The following TOP1 variants were observed in gnomAD, a reference collection of about 807,000 sequenced individuals.
TOP1 encodes the protein DNA topoisomerase 1.
A neutral mutation model predicts 111.1 loss-of-function variants in TOP1; 10 were observed. The observed-to-expected ratio is 0.09, with a 90% CI of 0.06 to 0.15. TOP1 has a LOEUF of 0.15. Among genes scored for constraint, TOP1 ranks in the 10% least tolerant of loss-of-function variants. The pLI, the probability that TOP1 is intolerant of heterozygous loss-of-function variation, is 1.00. For missense variants in TOP1, 474 were observed against 926.7 expected (o/e 0.51, Z 6.34); for synonymous variants, 271 against 302.9 (o/e 0.89, Z 1.10).
At position 41,061,343 on chromosome 20, in the gene TOP1, C is replaced by G. The variant is rs775224414; in HGVS notation, c.59-51C>G. 2.5e-6 allele frequency: 4 copies of G among 1,568,640 alleles called. No homozygotes were observed. The South Asian group carries it at 4.5e-5, about 18-fold the overall frequency. On this transcript the variant is annotated intron_variant, in intron 2 of 20. Transcript: ENST00000361337. The surrounding 1 kb of genome is among the most constrained non-coding windows in gnomAD (Gnocchi z 4.6). ...TGACCAGCTTGTCAAGGTAGGCATA[C>G]AGAAGATAGCTCATGACTCCTGTTA...
intron 2 of TOP1, among the ~76,000 whole-genome samples, chr20:41,047,635 A>T (rs1207000280): frequency 6.6e-6 from 1 of 152,260 alleles, no homozygotes; most frequent in East Asian, 1.9e-4. Context: ...GGCCATGCTC[A>T]TTCATTTACA....
rs2034042636 is a variant in TOP1 at position 41,100,344 on chromosome 20, G to A, written c.1163+101G>A. On this transcript the variant is annotated intron_variant, in intron 12 of 20. Coordinates refer to ENST00000361337, the MANE Select transcript of TOP1 (RefSeq NM_003286.4). The surrounding 1 kb of genome is among the most constrained non-coding windows in gnomAD (Gnocchi z 4.4). ...GGTTACACAGGACTGTTTGGGAAGG[G>A]AGATACTTAAGAGCAGGACAGTATT... 7 of 998,168 alleles carry A rather than the reference G, an allele frequency of 7.0e-6. No individual in the cohort carries two copies. The Admixed American group carries it at 8.0e-5, about 11-fold the overall frequency. 61.8% of individuals were successfully genotyped at this position (998,168 alleles called of 1,614,324 possible).
chr20:41,113,464 T>C (rs2034275016), intron 14 of TOP1, among the ~76,000 whole-genome samples: 1 of 152,142 alleles, frequency 6.6e-6, no homozygotes, highest in African/African-American at 2.4e-5. Context: ...CCCTATAGAT[T>C]TCATAGTGAG....
At chr20:41,087,877 A>C (rs904452409) in intron 8 of TOP1, among the ~76,000 whole-genome samples, 2 of 152,072 alleles carry the variant, frequency 1.3e-5, no homozygotes, top group African/African-American at 4.8e-5. Context: ...TTGATTATTC[A>C]AGTCAAGCTG....
chr20:41,112,749 A>G lies in TOP1; in HGVS notation c.1309-33A>G, dbSNP rs769507823. 1 of 1,612,454 alleles carries G rather than the reference A, an allele frequency of 6.2e-7. No individual in the cohort carries two copies. Among genetic ancestry groups the G allele is most frequent in the South Asian group, 1.1e-5 (1 of 90,836 alleles). On this transcript the variant is annotated intron_variant, in intron 13 of 20. Coordinates refer to ENST00000361337, the MANE Select transcript of TOP1 (RefSeq NM_003286.4). This position sits in a 1 kb window ranked among gnomAD's most constrained non-coding sequence, Gnocchi z 5.8. ...AGTCTGTCTTTACTACACTGTCCCAAAGTAATCTACATTTGGGTTTGGGTC... is the reference window on the plus strand; with the variant it reads ...AGTCTGTCTTTACTACACTGTCCCAGAGTAATCTACATTTGGGTTTGGGTC...
chr20:41,120,667 A>G (rs1432340199), intron 18 of TOP1, among the ~76,000 whole-genome samples: 4 of 152,238 alleles, frequency 2.6e-5, no homozygotes, highest in East Asian at 1.9e-4. Flanking sequence ...GAGAGTTCAC[A>G]TGGGGAAAAA....
At chr20:41,089,867 T>C (rs2033898018) in intron 8 of TOP1, among the ~76,000 whole-genome samples, 1 of 152,232 alleles carries the variant, frequency 6.6e-6, no homozygotes, top group Admixed American at 6.5e-5. Flanking sequence ...TTTTGATTGG[T>C]ATTTTCCTAA....
In TOP1 at chr20:41,069,383, G is replaced by T. The variant is rs1313873662; in HGVS notation, c.156-6788G>T. Among the ~76,000 whole-genome samples, 1 of 152,172 alleles carries T rather than the reference G, an allele frequency of 6.6e-6. No individual in the cohort carries two copies. Among genetic ancestry groups the T allele is most frequent in the Non-Finnish European group, 1.5e-5 (1 of 68,042 alleles). ...AGAAGATTGAACAGTTTGGAAATGA[G>T]GAAACTCAGTACCACCACCATTCAC... On this transcript the variant is annotated intron_variant, in intron 3 of 20. Coordinates refer to ENST00000361337, the MANE Select transcript of TOP1 (RefSeq NM_003286.4). This position sits in a 1 kb window ranked among gnomAD's most constrained non-coding sequence, Gnocchi z 4.1.
At chr20:41,073,384 A>G (rs1166179674) in intron 3 of TOP1, 1 of 984,196 alleles carries the variant, frequency 1.0e-6, no homozygotes, top group Non-Finnish European at 1.2e-6. Flanking sequence ...GAAAAAAAAA[A>G]AAAAGAAAGA....
chr20:41,073,155 G>A, intron 3 of TOP1: 1 of 985,356 alleles, frequency 1.0e-6, no homozygotes, highest in East Asian at 1.1e-4. Flanking sequence ...GTACAGCAAA[G>A]CTGAAAACCG....
intron 14 of TOP1, 123 bp from the exon 15 acceptor site, chr20:41,113,847 C>A: frequency 1.4e-6 from 1 of 739,182 alleles, no homozygotes; most frequent in Non-Finnish European, 2.1e-6. Flanking sequence ...TGCGCCATTG[C>A]ACTCTAGCCT....
chr20:41,084,654 T>C (rs1310409875), intron 8 of TOP1, 86 bp downstream of exon 8: 2 of 743,550 alleles, frequency 2.7e-6, no homozygotes, highest in East Asian at 5.8e-5. Context: ...AAAATTAATA[T>C]CCTGATATTT....
At chr20:41,076,995 C>T (rs970308432) in intron 4 of TOP1, among the ~76,000 whole-genome samples, 7 of 152,008 alleles carry the variant, frequency 4.6e-5, no homozygotes, top group African/African-American at 1.7e-4. Flanking sequence ...AATTTTCTGA[C>T]GAATCTAGAA....
In TOP1 at chr20:41,103,507, C is replaced by T. The variant is rs1054669504; in HGVS notation, c.1308+2154C>T. Among the ~76,000 whole-genome samples the T allele has an allele frequency of 2.6e-5, 4 of 152,236 alleles. 1 individual carries two copies. The highest frequency in any genetic ancestry group is 2.6e-4 in the Admixed American group (4 of 15,304). Reference sequence around the variant, plus strand: ...AGATTTACAGGCATTATATGTAAATCACATCAGTAAATATGAACTGTTATA... The same window carrying T: ...AGATTTACAGGCATTATATGTAAATTACATCAGTAAATATGAACTGTTATA... On this transcript the variant is annotated intron_variant, in intron 13 of 20. Transcript: ENST00000361337.
At chr20:41,041,307 A>G (rs1322312984) in intron 2 of TOP1, among the ~76,000 whole-genome samples, 1 of 151,918 alleles carries the variant, frequency 6.6e-6, no homozygotes, top group African/African-American at 2.4e-5. Flanking sequence ...AAAATTAGCC[A>G]AGCATGGTGG....
intron 9 of TOP1, among the ~76,000 whole-genome samples, chr20:41,096,074 T>G (rs2033977693): frequency 6.6e-6 from 1 of 152,214 alleles, no homozygotes; most frequent in Admixed American, 6.5e-5. Flanking sequence ...TTTAGACAGC[T>G]TTTTGTTTAT....
At position 41,069,913 on chromosome 20, in the gene TOP1, A is replaced by G. The variant is rs571210800; in HGVS notation, c.156-6258A>G. ...TTAGAAAGAAAAACATAAGCAAAAC[A>G]TAGAGGCATTGTAGTATATGCTTTG... is the stretch of plus-strand genomic sequence containing the variant. On this transcript the variant is annotated intron_variant, in intron 3 of 20. Coordinates refer to ENST00000361337, the MANE Select transcript of TOP1 (RefSeq NM_003286.4). The surrounding 1 kb of genome is among the most constrained non-coding windows in gnomAD (Gnocchi z 4.1). Among the ~76,000 whole-genome samples the G allele has an allele frequency of 2.6e-5, 4 of 152,356 alleles. No individual in the cohort carries two copies. In the East Asian group the frequency reaches 7.7e-4, roughly 29 times the overall value.
At chr20:41,076,405 T>A (rs2033727963) in intron 4 of TOP1, 111 bp downstream of exon 4, 48 of 1,425,722 alleles carry the variant, frequency 3.4e-5, no homozygotes, top group Non-Finnish European at 4.5e-5. Context: ...AGTGAAAGGT[T>A]TCTTGTCAGG....
In TOP1 at chr20:41,116,444, T is replaced by C. The variant is rs1347445905; in HGVS notation, c.1822+52T>C. ...CCACACCCCTACTAATGGTATCCGG[T>C]GACCTTGCTTATCTAAGGCCTAGAG... On this transcript the variant is annotated intron_variant, in intron 17 of 20. Transcript: ENST00000361337. This position sits in a 1 kb window ranked among gnomAD's most constrained non-coding sequence, Gnocchi z 5.6. 7.0e-7 allele frequency: 1 copy of C among 1,424,338 alleles called. No homozygotes were observed. Among genetic ancestry groups the C allele is most frequent in the Non-Finnish European group, 9.9e-7 (1 of 1,010,218 alleles). 88.2% of individuals were successfully genotyped at this position (1,424,338 alleles called of 1,614,324 possible). A position where few individuals can be genotyped will look rare whatever the true frequency, so the allele number is the denominator to read the frequency against.
Sources: allele counts gnomAD v4.1 joint callset (sites outside exome capture counted in the v4.1 genomes callset), GRCh38; gene constraint gnomAD v4.1.1; non-coding constraint Gnocchi (gnomAD v3.1); transcripts MANE v1.5; gene names NCBI Gene and HGNC (gene_info 2026-07-23, HGNC 2026-07-21).